ZMIZ1: variants seen among roughly 807,000 people sequenced by gnomAD.
ZMIZ1 encodes zinc finger MIZ domain-containing protein 1.
Under a neutral mutation model 113.9 loss-of-function variants are expected in ZMIZ1, and 17 were observed. The ratio of observed to expected loss-of-function variants is 0.15; its 90% CI spans 0.10 to 0.22. The LOEUF is 0.22. Among genes scored for constraint, ZMIZ1 ranks in the 10% least tolerant of loss-of-function variants. ZMIZ1 has a pLI of 1.00. For synonymous variants in ZMIZ1, 607 were observed against 603.1 expected, an observed-to-expected ratio of 1.01 and a Z score of -0.09; for missense variants, 1,059 against 1,477.8, an observed-to-expected ratio of 0.72 and a Z score of 4.65.
At chr10:79,211,540 G>A (rs1033229391) in intron 6 of ZMIZ1, among the ~76,000 whole-genome samples, 1 of 152,190 alleles carries the variant, frequency 6.6e-6, no homozygotes, top group African/African-American at 2.4e-5. Context: ...CTCTGGATCC[G>A]GCTTACTTTG....
intron 4 of ZMIZ1, among the ~76,000 whole-genome samples, chr10:79,175,009 G>T (rs1846766287): frequency 6.6e-6 from 1 of 152,204 alleles, no homozygotes; most frequent in Admixed American, 6.5e-5. Context: ...GAGGCTGAGG[G>T]TTGGAGCCAG....
chr10:79,297,994 G>A (rs889269698), intron 14 of ZMIZ1, among the ~76,000 whole-genome samples: 1 of 152,172 alleles, frequency 6.6e-6, no homozygotes, highest in African/African-American at 2.4e-5. Flanking sequence ...ACCCTGATGG[G>A]GTAGGCATAG....
chr10:79,263,838 T>G (rs548523577), intron 7 of ZMIZ1, among the ~76,000 whole-genome samples: 1 of 152,138 alleles, frequency 6.6e-6, no homozygotes, highest in Non-Finnish European at 1.5e-5. Context: ...AGGGTCTTTT[T>G]GACCCTAGGG....
At chr10:79,143,219 T>C (rs962454582) in intron 3 of ZMIZ1, among the ~76,000 whole-genome samples, 1 of 152,118 alleles carries the variant, frequency 6.6e-6, no homozygotes, top group South Asian at 2.1e-4. Context: ...TGTACCTTTT[T>C]GGTGCTCAGG....
intron 1 of ZMIZ1, among the ~76,000 whole-genome samples, chr10:79,089,391 T>C (rs1386155387): frequency 6.6e-6 from 1 of 152,242 alleles, no homozygotes; most frequent in Non-Finnish European, 1.5e-5. Context: ...CTCACTTTCC[T>C]TCTACGAGAT....
At chr10:79,284,272 T>G (rs1421671808) in intron 8 of ZMIZ1, among the ~76,000 whole-genome samples, 1 of 152,112 alleles carries the variant, frequency 6.6e-6, no homozygotes, top group Admixed American at 6.5e-5. Flanking sequence ...ATAAAATACG[T>G]GAAAAAAGTG....
At chr10:79,308,336 C>G (rs957893367) in intron 23 of ZMIZ1, among the ~76,000 whole-genome samples, 8 of 152,222 alleles carry the variant, frequency 5.3e-5, no homozygotes, top group African/African-American at 1.9e-4. Flanking sequence ...TGCGTGGGTG[C>G]AGGAAGAACA....
intron 4 of ZMIZ1, among the ~76,000 whole-genome samples, chr10:79,182,501 G>A (rs944489591): frequency 6.6e-6 from 1 of 152,212 alleles, no homozygotes; most frequent in East Asian, 1.9e-4. Flanking sequence ...CATTGGTTCT[G>A]GGTGTGCAGG....
Position 79,069,873 on chromosome 10 carries a change from C to T in ZMIZ1, c.-337+603C>T, listed in dbSNP as rs1842194896. ...GAATTGCCCGGGGAAAGCTGGCGCG[C>T]GGTACAAACGAGAAACGCGGAGGTG... On this transcript the variant is annotated intron_variant, in intron 1 of 24. Transcript: ENST00000334512. This position sits in a 1 kb window ranked among gnomAD's most constrained non-coding sequence, Gnocchi z 4.6. Among the ~76,000 whole-genome samples, 1 of 151,288 alleles carries T rather than the reference C, an allele frequency of 6.6e-6. No individual in the cohort carries two copies. The highest frequency in any genetic ancestry group is 2.1e-4 in the South Asian group (1 of 4,770).
chr10:79,311,382 C>G (rs1036314560), intron 24 of ZMIZ1, among the ~76,000 whole-genome samples, 198 bp downstream of exon 24: 2 of 152,210 alleles, frequency 1.3e-5, no homozygotes, highest in African/African-American at 4.8e-5. Context: ...CCCCACCCTG[C>G]TGGCTCCTGT....
intron 7 of ZMIZ1, among the ~76,000 whole-genome samples, chr10:79,235,713 C>T (rs115968369): frequency 0.012 from 1,785 of 152,272 alleles, 33 homozygotes; most frequent in Admixed American, 0.037. Flanking sequence ...CAGGAGGTAC[C>T]GGGTAGGATG....
chr10:79,101,627 T>C (rs899442036), intron 1 of ZMIZ1, among the ~76,000 whole-genome samples: 1 of 152,054 alleles, frequency 6.6e-6, no homozygotes, highest in Non-Finnish European at 1.5e-5. Flanking sequence ...GGCCTACTTG[T>C]GCAGAGGGAG....
chr10:79,311,584 G>A (rs570215417), intron 24 of ZMIZ1, among the ~76,000 whole-genome samples: 68 of 152,180 alleles, frequency 4.5e-4, no homozygotes, highest in African/African-American at 1.5e-3. Flanking sequence ...TGCCTCGCTG[G>A]TGTGTGTCTG....
rs765477166 is a variant in ZMIZ1 at position 79,293,542 on chromosome 10, C to T, written c.1119C>T (p.Pro373=). ...TGGGCATGAACCAGCCCCGGCCGCC[C>T]GGCATCAGCCCCTTTGGCACACACG... ...PPMGMNQPRP[P]GISPFGTHGQ... Residue 373 remains proline (P), a synonymous_variant, in exon 12 of 25, where the codon CCC becomes CCT. Transcript: ENST00000334512. The T allele has an allele frequency of 1.3e-5, 21 of 1,611,846 alleles. No individual in the cohort carries two copies. Among genetic ancestry groups the T allele is most frequent in the Non-Finnish European group, 1.7e-5 (20 of 1,179,272 alleles).
At chr10:79,143,305 C>T (rs1022524659) in intron 3 of ZMIZ1, among the ~76,000 whole-genome samples, 5 of 152,264 alleles carry the variant, frequency 3.3e-5, no homozygotes, top group African/African-American at 1.2e-4. Context: ...CTGCCCTGTA[C>T]TGCAGTTCAC....
At chr10:79,086,464 A>G (rs747276624) in intron 1 of ZMIZ1, among the ~76,000 whole-genome samples, 4 of 152,114 alleles carry the variant, frequency 2.6e-5, no homozygotes, top group Non-Finnish European at 5.9e-5. Context: ...CTCAGATTTT[A>G]CTCAGCTATG....
intron 1 of ZMIZ1, among the ~76,000 whole-genome samples, chr10:79,115,425 GCAGGAAGGTGA>G (rs779260199): frequency 1.3e-5 from 2 of 152,214 alleles, no homozygotes; most frequent in Non-Finnish European, 2.9e-5. Context: ...GAGGTAGAAG[GCAGGAAGGTGA>G]CAGGTGCTGT....
At chr10:79,173,980 G>A (rs1846709447) in intron 4 of ZMIZ1, among the ~76,000 whole-genome samples, 1 of 152,210 alleles carries the variant, frequency 6.6e-6, no homozygotes, top group Admixed American at 6.5e-5. Flanking sequence ...GGGCATGTCA[G>A]AATTTGTTTC....
Position 79,296,229 on chromosome 10 carries a change from G to A in ZMIZ1, c.1231-242G>A. ...GCTCTGAAAGTGTCCCTGGAGTTCA[G>A]GGGCACATGTGCTCCAGGAAGAACG... On this transcript the variant is annotated intron_variant, in intron 12 of 24. Transcript: ENST00000334512. This position sits in a 1 kb window ranked among gnomAD's most constrained non-coding sequence, Gnocchi z 4.1. 1.7e-6 allele frequency: 1 copy of A among 572,924 alleles called. No individual in the cohort carries two copies. The highest frequency in any genetic ancestry group is 2.0e-5 in the South Asian group (1 of 49,422). 35.5% of individuals were successfully genotyped at this position (572,924 alleles called of 1,614,324 possible).
Sources: gnomAD v4.1 joint callset for allele counts (sites outside exome capture counted in the v4.1 genomes callset) on GRCh38, gnomAD v4.1.1 for gene constraint, Gnocchi (gnomAD v3.1) non-coding constraint, MANE v1.5 for transcripts, NCBI Gene and HGNC (gene_info 2026-07-23, HGNC 2026-07-21) for gene names.